Variants in TMPRSS9 observed in about 807,000 individuals in gnomAD.
TMPRSS9 encodes transmembrane protease serine 9.
TMPRSS9 carries 113 observed loss-of-function variants against 111.4 expected under a neutral mutation model. That is an observed-to-expected ratio of 1.01 (90% CI 0.87 to 1.19). The LOEUF is 1.19. TMPRSS9 is among the 50% of genes most tolerant of loss of function. The pLI is 0.00. For missense variants in TMPRSS9, 1,803 were observed against 1,513.1 expected, an observed-to-expected ratio of 1.19 and a Z score of -3.18; for synonymous variants, 805 against 659.1, an observed-to-expected ratio of 1.22 and a Z score of -3.39.
At chr19:2,396,227 T>G in intron 1 of TMPRSS9, 1 of 263,712 alleles carries the variant, frequency 3.8e-6, no homozygotes, top group East Asian at 7.9e-5. Flanking sequence ...CAGGACCTCT[T>G]TCTGCCTTCG....
chr19:2,384,429 A>G (rs1970429261), intron 1 of TMPRSS9, among the ~76,000 whole-genome samples: 1 of 151,850 alleles, frequency 6.6e-6, no homozygotes, highest in Admixed American at 6.6e-5. Flanking sequence ...TAATCCCAGC[A>G]CTTTGGGAGG....
upstream of TMPRSS9, among the ~76,000 whole-genome samples, chr19:2,384,812 C>CAA (rs1176243923): frequency 0.032 from 3,030 of 94,282 alleles, 99 homozygotes; most frequent in African/African-American, 0.083. Context: ...AAGGCTCCGT[C>CAA]AAAAAAAAAA....
intron 1 of TMPRSS9, among the ~76,000 whole-genome samples, chr19:2,367,968 C>T (rs1970260909): frequency 6.6e-6 from 1 of 152,150 alleles, no homozygotes; most frequent in Non-Finnish European, 1.5e-5. Context: ...GCCTCAGCTT[C>T]CCAAAATGTT....
At chr19:2,366,774 G>A (rs1025643222) in intron 1 of TMPRSS9, among the ~76,000 whole-genome samples, 3 of 146,630 alleles carry the variant, frequency 2.0e-5, no homozygotes, top group Non-Finnish European at 3.0e-5. Flanking sequence ...GGAGAATGGC[G>A]TGAACCCAGG....
chr19:2,421,037 C>T (rs1288480528), intron 13 of TMPRSS9, among the ~76,000 whole-genome samples: 1 of 151,920 alleles, frequency 6.6e-6, no homozygotes, highest in Non-Finnish European at 1.5e-5. Flanking sequence ...AAGCCCCCAT[C>T]TCTACTAAAA....
chr19:2,364,225 G>A (rs907209466), intron 1 of TMPRSS9, among the ~76,000 whole-genome samples: 5 of 149,314 alleles, frequency 3.3e-5, no homozygotes, highest in Admixed American at 6.6e-5. Flanking sequence ...AATGAAAGAC[G>A]CATAAATAGA....
intron 1 of TMPRSS9, among the ~76,000 whole-genome samples, chr19:2,368,774 G>GTTTGTTTTTTTTTTT (rs1970265977): frequency 1.1e-3 from 75 of 70,386 alleles, no homozygotes; most frequent in African/African-American, 4.5e-3. Context: ...GATAAACCCA[G>GTTTGTTTTTTTTTTT]TTTTTTTTTT....
chr19:2,379,215 T>G (rs1420918091), intron 1 of TMPRSS9, among the ~76,000 whole-genome samples: 1 of 141,576 alleles, frequency 7.1e-6, no homozygotes, highest in Non-Finnish European at 1.5e-5. Flanking sequence ...AGACAGAGTC[T>G]TGCTCTGTCG....
chr19:2,409,104 A>G (rs35022362), intron 8 of TMPRSS9, among the ~76,000 whole-genome samples: 37 of 150,498 alleles, frequency 2.5e-4, no homozygotes, highest in Admixed American at 1.3e-4. Flanking sequence ...CTGCTTGCTA[A>G]GATATATTTA....
intron 1 of TMPRSS9, among the ~76,000 whole-genome samples, chr19:2,371,827 C>T (rs1046936064): frequency 3.3e-5 from 5 of 152,182 alleles, no homozygotes; most frequent in African/African-American, 7.2e-5. Context: ...ATCACCACCG[C>T]GTTGGGATGA....
intron 4 of TMPRSS9, among the ~76,000 whole-genome samples, chr19:2,401,405 G>A (rs867639956): frequency 3.9e-5 from 6 of 152,298 alleles, no homozygotes; most frequent in Middle Eastern, 3.4e-3. Context: ...GTGATAGGGA[G>A]GTTCCAGGCC....
At chr19:2,425,493 G>C (rs763350375) in exon 17 of TMPRSS9, 5 of 1,575,472 alleles carry the variant, frequency 3.2e-6, no homozygotes, top group African/African-American at 1.3e-5. Context: ...ACAGCTGCTC[G>C]GTGAGCCCCG....
chr19:2,367,375 C>A (rs1030015757), intron 1 of TMPRSS9, among the ~76,000 whole-genome samples: 2 of 151,962 alleles, frequency 1.3e-5, no homozygotes. Context: ...TAATACAACA[C>A]CTGTCACATA....
upstream of TMPRSS9, chr19:2,389,732 G>A (rs569645889): frequency 1.1e-5 from 18 of 1,568,210 alleles, no homozygotes; most frequent in East Asian, 3.0e-4. Flanking sequence ...CTCTGACCCC[G>A]TGTTTCTGTC....
intron 15 of TMPRSS9, 106 bp downstream of exon 16, chr19:2,424,363 C>T (rs1971545249): frequency 3.4e-6 from 4 of 1,190,822 alleles, no homozygotes; most frequent in Admixed American, 4.2e-5. Context: ...CGGGAGTGCC[C>T]TCCCCAACCC....
chr19:2,407,637 G>A (rs1198019386), intron 7 of TMPRSS9, among the ~76,000 whole-genome samples: 1 of 108,866 alleles, frequency 9.2e-6, no homozygotes, highest in African/African-American at 3.5e-5. Context: ...TTTGAGACAG[G>A]TTACCTGTTG....
At chr19:2,417,393 G>A (rs1485752108) in intron 12 of TMPRSS9, among the ~76,000 whole-genome samples, 2 of 151,880 alleles carry the variant, frequency 1.3e-5, no homozygotes, top group South Asian at 4.2e-4. Context: ...TTGAATCTGG[G>A]AGGCAGAGGC....
At chr19:2,399,578 AAAACAAAC>A (rs146554094) in intron 4 of TMPRSS9, among the ~76,000 whole-genome samples, 2 of 151,972 alleles carry the variant, frequency 1.3e-5, no homozygotes, top group East Asian at 1.9e-4. Context: ...CTTCGTTTCA[AAAACAAAC>A]AAACAAACAA....
At chr19:2,425,686 C>A in intron 17 of TMPRSS9, 193 bp downstream of exon 18, 1 of 1,239,390 alleles carries the variant, frequency 8.1e-7, no homozygotes. Context: ...CACCGCATCC[C>A]ATCCCCGGGC....
Sources: gnomAD v4.1 joint callset for allele counts (sites outside exome capture counted in the v4.1 genomes callset) on GRCh38, gnomAD v4.1.1 for gene constraint, MANE v1.5 for transcripts, NCBI Gene and HGNC (gene_info 2026-07-23, HGNC 2026-07-21) for gene names.